The following ERCC6L2 variants were observed in gnomAD, a reference collection of about 807,000 sequenced individuals.
ERCC6L2 encodes ERCC excision repair 6 like 2, also known as DNA excision repair protein ERCC-6-like 2.
Under a neutral mutation model 132.0 loss-of-function variants are expected in ERCC6L2, and 77 were observed. That is an observed-to-expected ratio of 0.58 (90% confidence interval 0.49 to 0.71). The LOEUF (loss-of-function observed/expected upper bound fraction) is 0.71. ERCC6L2 is among the 30% of genes least tolerant of loss of function. The pLI, the probability that ERCC6L2 is intolerant of heterozygous loss-of-function variation, is 0.00. For synonymous variants in ERCC6L2, 583 were observed against 632.4 expected (o/e 0.92, Z 1.17); for missense variants, 1,542 against 1,837.6 (o/e 0.84, Z 2.94).
chr9:95,952,840 T>TAAA (rs34446922), intron 12 of ERCC6L2, among the ~76,000 whole-genome samples: 1 of 139,676 alleles, frequency 7.2e-6, no homozygotes, highest in Non-Finnish European at 1.6e-5. Flanking sequence ...TCCGTCTCAA[T>TAAA]AAAAAAAAAA....
intron 4 of ERCC6L2, among the ~76,000 whole-genome samples, chr9:95,912,955 A>G (rs1454041471): frequency 1.3e-5 from 2 of 152,180 alleles, no homozygotes; most frequent in Non-Finnish European, 2.9e-5. Context: ...TGTGGACTTC[A>G]TATTGCATCA....
In ERCC6L2 at chr9:96,015,466, G is replaced by A. The variant is rs1436858058; in HGVS notation, c.*2263G>A. On this transcript the variant is annotated 3_prime_UTR_variant, in exon 19 of 19. Coordinates refer to ENST00000653738, the MANE Select transcript of ERCC6L2 (RefSeq NM_020207.7). ...TCCTCCCAAAGTGCTGGGATTACAG[G>A]TGTGAGCCACCATGCCCAGCCAATA... is the stretch of plus-strand genomic sequence containing the variant. Among the ~76,000 whole-genome samples the A allele has an allele frequency of 1.3e-5, 2 of 151,574 alleles. No individual in the cohort carries two copies. Among genetic ancestry groups the A allele is most frequent in the South Asian group, 2.1e-4 (1 of 4,802 alleles).
chr9:95,908,265 G>A (rs1404781555), intron 4 of ERCC6L2, among the ~76,000 whole-genome samples: 1 of 152,112 alleles, frequency 6.6e-6, no homozygotes, highest in Non-Finnish European at 1.5e-5. Flanking sequence ...TTTTAAAGAG[G>A]TGATTAAAAC....
intron 1 of ERCC6L2, among the ~76,000 whole-genome samples, chr9:95,878,164 CTT>C (rs907621509): frequency 2.0e-5 from 3 of 152,024 alleles, no homozygotes; most frequent in African/African-American, 7.2e-5. Flanking sequence ...TGGTCTGACA[CTT>C]TTTTTTGTAA....
chr9:95,933,616 G>A (rs1480811271), intron 11 of ERCC6L2, among the ~76,000 whole-genome samples: 2 of 152,108 alleles, frequency 1.3e-5, no homozygotes, highest in African/African-American at 2.4e-5. Context: ...AGGCCAAAAC[G>A]GATGGATCAC....
At position 96,015,768 on chromosome 9, in the gene ERCC6L2, A is replaced by G. The variant is rs1834174172; in HGVS notation, c.*2565A>G. ...CAGTGAGCCAGGATTGTGCCCCTGC[A>G]CCCCAGCCTGGGTGACAGAGCAAGA... On this transcript the variant is annotated 3_prime_UTR_variant, in exon 19 of 19. Transcript: ENST00000653738. Among the ~76,000 whole-genome samples, 1 of 152,110 alleles carries G rather than the reference A, an allele frequency of 6.6e-6. No homozygotes were observed. The highest frequency in any genetic ancestry group is 1.9e-4 in the East Asian group (1 of 5,142).
intron 11 of ERCC6L2, among the ~76,000 whole-genome samples, chr9:95,933,374 T>C (rs1830423969): frequency 6.6e-6 from 1 of 152,232 alleles, no homozygotes; most frequent in Non-Finnish European, 1.5e-5. Flanking sequence ...ATCTTCATGG[T>C]ATGTCTAATA....
chr9:95,976,025 T>C (rs1003375387), intron 16 of ERCC6L2, among the ~76,000 whole-genome samples: 2 of 152,204 alleles, frequency 1.3e-5, no homozygotes, highest in African/African-American at 4.8e-5. Context: ...GCTTGTTCTC[T>C]TTTTTCTCAC....
Position 95,928,799 on chromosome 9 carries a change from A to G in ERCC6L2, c.1686A>G (p.Glu562=). The change falls in exon 11 of 19, where the codon GAA becomes GAG. Residue 562 remains glutamate, a synonymous_variant. Transcript: ENST00000653738. The part of the protein sequence containing the change: ...RRLDGSTKSE[E]RLKIVKEFNS... ...TTGATGGAAGTACAAAATCAGAGGA[A>G]AGACTCAAGATTGTAAAAGAGTTCA... 1 of 1,613,270 alleles carries G rather than the reference A, an allele frequency of 6.2e-7. No individual in the cohort carries two copies.
intron 12 of ERCC6L2, among the ~76,000 whole-genome samples, chr9:95,941,938 A>T (rs1165936722): frequency 1.3e-5 from 2 of 152,166 alleles, no homozygotes; most frequent in African/African-American, 4.8e-5. Flanking sequence ...GAGTACAGAA[A>T]TTTTAAGCAT....
chr9:95,999,310 G>A (rs1303329929), intron 17 of ERCC6L2, among the ~76,000 whole-genome samples: 4 of 151,656 alleles, frequency 2.6e-5, no homozygotes, highest in African/African-American at 9.7e-5. Flanking sequence ...GCAGTGAGCC[G>A]AGATCACGCC....
chr9:95,939,550 C>G (rs1041553542), intron 11 of ERCC6L2, among the ~76,000 whole-genome samples: 1 of 152,182 alleles, frequency 6.6e-6, no homozygotes, highest in Non-Finnish European at 1.5e-5. Flanking sequence ...TCTCATCATG[C>G]TTACTGATTC....
chr9:95,915,387 A>C (rs1265440735), intron 4 of ERCC6L2, among the ~76,000 whole-genome samples: 1 of 152,114 alleles, frequency 6.6e-6, no homozygotes, highest in Non-Finnish European at 1.5e-5. Flanking sequence ...TGTTACTTTA[A>C]AAAATTCCTT....
intron 11 of ERCC6L2, among the ~76,000 whole-genome samples, chr9:95,934,805 A>T (rs1191930440): frequency 6.6e-6 from 1 of 152,224 alleles, no homozygotes; most frequent in African/African-American, 2.4e-5. Flanking sequence ...GTAGTCCAAC[A>T]CCAGGAATCA....
rs561428437 is a variant in ERCC6L2, at chr9:95,986,359, A to G, written c.3492+8144A>G. Among the ~76,000 whole-genome samples the G allele has an allele frequency of 2.6e-5, 4 of 152,208 alleles. No individual in the cohort carries two copies. The South Asian group carries it at 6.2e-4, about 24-fold the overall frequency. On this transcript the variant is annotated intron_variant, in intron 17 of 18. Coordinates refer to ENST00000653738, the MANE Select transcript of ERCC6L2 (RefSeq NM_020207.7). Reference sequence around the variant, plus strand: ...AGGCTCTTTCCTTTTCTGCCCCACTATCTTTAGTAAATTAACTTTTAGTCC... The same window carrying G: ...AGGCTCTTTCCTTTTCTGCCCCACTGTCTTTAGTAAATTAACTTTTAGTCC...
chr9:95,911,458 TAAA>T (rs1299157201), intron 4 of ERCC6L2, among the ~76,000 whole-genome samples: 7 of 152,082 alleles, frequency 4.6e-5, no homozygotes, highest in Non-Finnish European at 1.0e-4. Flanking sequence ...TTATAAATAT[TAAA>T]TAAGAATTCT....
chr9:95,905,048 C>G (rs1056227341), intron 3 of ERCC6L2: 4 of 152,166 alleles, frequency 2.6e-5, no homozygotes, highest in African/African-American at 7.2e-5. Flanking sequence ...CTCGTCTGAT[C>G]TTGGAAGCTA....
chr9:95,993,815 T>G (rs1323541636), intron 17 of ERCC6L2, among the ~76,000 whole-genome samples: 3 of 152,220 alleles, frequency 2.0e-5, no homozygotes, highest in African/African-American at 7.2e-5. Flanking sequence ...GACCCATGGT[T>G]AAAAACTTTC....
Position 96,014,682 on chromosome 9 carries a change from C to T in ERCC6L2, c.*1479C>T, listed in dbSNP as rs759307328. 4 of 152,140 alleles carry T rather than the reference C, an allele frequency of 2.6e-5. No individual in the cohort carries two copies. The highest frequency in any genetic ancestry group is 5.9e-5 in the Non-Finnish European group (4 of 68,020). The allele number at this position is 152,140 out of a possible 1,614,324, so 9.4% of individuals were successfully genotyped here. ...ACCCACTGAATTGAATTTCATGGCC[C>T]ATGGTTAAGATCCACAGTGTGAAAA... is the stretch of plus-strand genomic sequence containing the variant. On this transcript the variant is annotated 3_prime_UTR_variant, in exon 19 of 19. Transcript: ENST00000653738.
Sources: allele counts gnomAD v4.1 joint callset (sites outside exome capture counted in the v4.1 genomes callset), GRCh38; gene constraint gnomAD v4.1.1; transcripts MANE v1.5; gene names NCBI Gene and HGNC (gene_info 2026-07-23, HGNC 2026-07-21).